FALEC: variants seen among roughly 807,000 people sequenced by gnomAD.
FALEC encodes the protein focally amplified lncRNA on chromosome 1.
the FALEC span, among the ~76,000 whole-genome samples, chr1:150,534,633 G>A: frequency 6.6e-6 from 1 of 152,014 alleles, no homozygotes; most frequent in Middle Eastern, 3.2e-3. Context: ...CATGAGGTCA[G>A]GAAATCGAGA....
the FALEC span, among the ~76,000 whole-genome samples, chr1:150,526,904 G>A: frequency 1.3e-5 from 2 of 151,920 alleles, no homozygotes; most frequent in African/African-American, 4.8e-5. Context: ...AAAGTGCTGA[G>A]ATTACAGGTG....
chr1:150,529,016 C>CAAAAAA, the FALEC span, among the ~76,000 whole-genome samples: 3,330 of 59,016 alleles, frequency 0.056, 346 homozygotes, highest in African/African-American at 0.11. Flanking sequence ...AAATAAATAG[C>CAAAAAA]AAAAAAAAAA....
chr1:150,534,637 A>T, the FALEC span, among the ~76,000 whole-genome samples: 2 of 151,990 alleles, frequency 1.3e-5, no homozygotes, highest in Non-Finnish European at 2.9e-5. Flanking sequence ...AGGTCAGGAA[A>T]TCGAGACCAT....
At position 150,516,089 on chromosome 1, in the gene FALEC, CA is replaced by C. The variant is rs587655654; in HGVS notation, n.306+42del. Reference sequence around the variant, plus strand: ...TGAAACCCCGTCTGTACTAAAAATACAAAAAAAAAAAAAAATTAGCAGGGCG... The same window carrying C: ...TGAAACCCCGTCTGTACTAAAAATACAAAAAAAAAAAAAATTAGCAGGGCG... On this transcript the variant is annotated intron_variant and non_coding_transcript_variant, in intron 1 of 1. Transcript: ENST00000416894. 4.0e-3 allele frequency: 525 copies of C among 131,098 alleles called. 1 individual carries two copies. The highest frequency in any genetic ancestry group is 4.0e-3 in the Admixed American group (52 of 12,978). 8.1% of individuals were successfully genotyped at this position (131,098 alleles called of 1,614,324 possible). A position where few individuals can be genotyped will look rare whatever the true frequency, so the allele number is the denominator to read the frequency against.
At chr1:150,526,258 G>C in the FALEC span, among the ~76,000 whole-genome samples, 1 of 150,980 alleles carries the variant, frequency 6.6e-6, no homozygotes, top group Non-Finnish European at 1.5e-5. Context: ...GCCAAGGCAG[G>C]AGAATGGTGT....
At chr1:150,534,511 C>T in the FALEC span, among the ~76,000 whole-genome samples, 2 of 151,792 alleles carry the variant, frequency 1.3e-5, no homozygotes, top group African/African-American at 4.8e-5. Flanking sequence ...GTATCTGTGC[C>T]CCCCCAGCCC....
the FALEC span, among the ~76,000 whole-genome samples, chr1:150,535,334 C>G: frequency 6.6e-6 from 1 of 152,156 alleles, no homozygotes; most frequent in Non-Finnish European, 1.5e-5. Context: ...ACCTCCGCCT[C>G]CCAGGTTCAA....
chr1:150,531,857 C>T, the FALEC span, among the ~76,000 whole-genome samples: 12 of 152,210 alleles, frequency 7.9e-5, no homozygotes, highest in Non-Finnish European at 1.5e-4. Context: ...CTTCACTTTC[C>T]TCAGCTATAA....
chr1:150,520,974 T>A (rs1269877322), downstream of FALEC, among the ~76,000 whole-genome samples: 1 of 151,934 alleles, frequency 6.6e-6, no homozygotes, highest in Non-Finnish European at 1.5e-5. Flanking sequence ...GCTAATTCTG[T>A]ATTTTTAGCA....
chr1:150,523,864 C>G, the FALEC span, among the ~76,000 whole-genome samples: 1 of 151,966 alleles, frequency 6.6e-6, no homozygotes, highest in Non-Finnish European at 1.5e-5. Context: ...GAATTATCTG[C>G]GCAGACTCTA....
downstream of FALEC, among the ~76,000 whole-genome samples, chr1:150,522,534 A>G (rs1670656858): frequency 6.6e-6 from 1 of 151,532 alleles, no homozygotes. Flanking sequence ...GAGGCAGGAG[A>G]ATCGCTTGAA....
At chr1:150,534,023 C>T in the FALEC span, among the ~76,000 whole-genome samples, 1 of 152,336 alleles carries the variant, frequency 6.6e-6, no homozygotes, top group East Asian at 1.9e-4. Flanking sequence ...GAGAAAGGTG[C>T]TGAAGTCTCG....
At chr1:150,526,378 T>C in the FALEC span, among the ~76,000 whole-genome samples, 1 of 151,558 alleles carries the variant, frequency 6.6e-6, no homozygotes, top group Non-Finnish European at 1.5e-5. Flanking sequence ...AAGTTTTCTT[T>C]TGTAGAGACA....
At chr1:150,534,108 A>G in the FALEC span, among the ~76,000 whole-genome samples, 1 of 152,142 alleles carries the variant, frequency 6.6e-6, no homozygotes, top group Non-Finnish European at 1.5e-5. Flanking sequence ...GCAGTGACAA[A>G]CCCAGGGTCA....
At chr1:150,520,783 C>CTTTTTTTTTTTTTTTTTTTTT (rs71086518), downstream of FALEC, among the ~76,000 whole-genome samples, 241 of 42,836 alleles carry the variant, frequency 5.6e-3, 7 homozygotes, top group Non-Finnish European at 7.6e-3. Context: ...CTTTTCTTTT[C>CTTTTTTTTTTTTTTTTTTTTT]TTTTTTTTTT....
the FALEC span, among the ~76,000 whole-genome samples, chr1:150,534,350 G>C: frequency 6.6e-6 from 1 of 152,194 alleles, no homozygotes; most frequent in Non-Finnish European, 1.5e-5. Context: ...CATGCCCCAA[G>C]CTCTTCTGAG....
chr1:150,522,856 T>TATATATATAC (rs1553907906), downstream of FALEC, among the ~76,000 whole-genome samples: 6 of 116,848 alleles, frequency 5.1e-5, no homozygotes, highest in Non-Finnish European at 7.2e-5. Context: ...TCTCTCTATA[T>TATATATATAC]ATATATATAC....
chr1:150,532,287 G>A, the FALEC span, among the ~76,000 whole-genome samples: 8 of 152,130 alleles, frequency 5.3e-5, no homozygotes, highest in East Asian at 5.8e-4. Context: ...AGGCTGGACC[G>A]TCCTCTGTCA....
chr1:150,521,098 G>A (rs192099008), downstream of FALEC, among the ~76,000 whole-genome samples: 6 of 152,066 alleles, frequency 3.9e-5, no homozygotes, highest in Admixed American at 3.9e-4. Flanking sequence ...ACCACGCCCG[G>A]CCTCATTTTC....
Sources: allele counts gnomAD v4.1 joint callset (sites outside exome capture counted in the v4.1 genomes callset), GRCh38; gene constraint gnomAD v4.1.1; transcripts MANE v1.5; gene names NCBI Gene and HGNC (gene_info 2026-07-23, HGNC 2026-07-21).